HIBCH: variants seen among roughly 807,000 people sequenced by gnomAD.
HIBCH encodes the protein 3-hydroxyisobutyryl-CoA hydrolase, mitochondrial.
A neutral mutation model predicts 58.2 loss-of-function variants in HIBCH; 50 were observed. That is an observed-to-expected ratio of 0.86 (90% CI 0.68 to 1.09). HIBCH has a LOEUF of 1.09. Ranked by LOEUF, HIBCH falls within the 50% of genes least tolerant of loss-of-function variation. The probability of loss-of-function intolerance (pLI) is 0.00; values close to 1 mark genes in which losing one functional copy is unlikely to be tolerated. For synonymous variants in HIBCH, 151 were observed against 146.9 expected (o/e 1.03, Z -0.20); for missense variants, 450 against 449.7 (o/e 1.00, Z -0.01).
chr2:190,285,541 G>A (rs995865072), intron 6 of HIBCH, among the ~76,000 whole-genome samples: 7 of 152,098 alleles, frequency 4.6e-5, no homozygotes, highest in African/African-American at 1.7e-4. Context: ...AGCAATTCCC[G>A]GTCCTTATTT....
intron 2 of HIBCH, among the ~76,000 whole-genome samples, chr2:190,303,320 T>C (rs1575761763): frequency 6.6e-6 from 1 of 151,864 alleles, no homozygotes; most frequent in East Asian, 1.9e-4. Flanking sequence ...GATTTCCAAA[T>C]GCAATTCTCC....
At chr2:190,240,832 C>A (rs923101955) in intron 11 of HIBCH, among the ~76,000 whole-genome samples, 2 of 152,126 alleles carry the variant, frequency 1.3e-5, no homozygotes, top group African/African-American at 4.8e-5. Context: ...GATTGCACTG[C>A]GGTCTGAGAG....
intron 6 of HIBCH, among the ~76,000 whole-genome samples, chr2:190,286,645 T>C (rs559787155): frequency 3.8e-4 from 58 of 152,324 alleles, no homozygotes; most frequent in Admixed American, 7.2e-4. Context: ...AATTTACCAA[T>C]TGTTTTGTAA....
At chr2:190,225,414 G>A (rs920808623) in intron 11 of HIBCH, among the ~76,000 whole-genome samples, 12 of 151,974 alleles carry the variant, frequency 7.9e-5, no homozygotes, top group Admixed American at 5.9e-4. Flanking sequence ...TCAAATAGAC[G>A]CAATAAAAAA....
At chr2:190,238,063 G>C (rs1575714921) in intron 11 of HIBCH, among the ~76,000 whole-genome samples, 1 of 152,058 alleles carries the variant, frequency 6.6e-6, no homozygotes, top group South Asian at 2.1e-4. Context: ...TCTTTATCCA[G>C]TCTCTCATTG....
Position 190,270,006 on chromosome 2 carries a change from G to A in HIBCH, c.439-8772C>T, listed in dbSNP as rs113261908. On this transcript the variant is annotated intron_variant, in intron 6 of 13. Coordinates refer to ENST00000359678, the MANE Select transcript of HIBCH (RefSeq NM_014362.4). ...ACCAAATGTATGTTCTCATAAGTGG[G>A]AGCTGAACAATGAGAACACATGGAC... Among the ~76,000 whole-genome samples the A allele has an allele frequency of 5.6e-3, 858 of 152,170 alleles. 5 individuals carry two copies. The highest frequency in any genetic ancestry group is 0.02 in the African/African-American group (814 of 41,498).
chr2:190,276,176 G>C (rs1687545883), intron 6 of HIBCH, among the ~76,000 whole-genome samples: 1 of 152,188 alleles, frequency 6.6e-6, no homozygotes, highest in Non-Finnish European at 1.5e-5. Context: ...AAGGCAGGTT[G>C]CTGGTTGACT....
intron 1 of HIBCH, among the ~76,000 whole-genome samples, chr2:190,198,114 G>C (rs541123261): frequency 1.3e-5 from 2 of 152,154 alleles, no homozygotes; most frequent in Admixed American, 1.3e-4. Flanking sequence ...AGTATGCAGC[G>C]TGAAGCAGGG....
At chr2:190,267,941 C>T (rs1385005959) in intron 6 of HIBCH, among the ~76,000 whole-genome samples, 5 of 152,182 alleles carry the variant, frequency 3.3e-5, no homozygotes, top group African/African-American at 4.8e-5. Context: ...TCTGGGACTG[C>T]TAGTGCCCTT....
chr2:190,268,099 C>A (rs1687291853), intron 6 of HIBCH, among the ~76,000 whole-genome samples: 1 of 152,142 alleles, frequency 6.6e-6, no homozygotes. Context: ...ACTAAAGGCA[C>A]AATAGATACA....
chr2:190,252,045 G>T, intron 8 of HIBCH, 117 bp downstream of exon 8: 3 of 928,398 alleles, frequency 3.2e-6, no homozygotes, highest in Non-Finnish European at 5.2e-6. Flanking sequence ...ATAGGTCCAG[G>T]ATTCACACCA....
chr2:190,300,453 T>A (rs1249193505), intron 2 of HIBCH, among the ~76,000 whole-genome samples: 1 of 152,128 alleles, frequency 6.6e-6, no homozygotes, highest in East Asian at 1.9e-4. Context: ...TGTGGTTGGC[T>A]GCATGTCTAT....
At chr2:190,299,160 C>T (rs933619866) in intron 2 of HIBCH, among the ~76,000 whole-genome samples, 1 of 152,138 alleles carries the variant, frequency 6.6e-6, no homozygotes, top group East Asian at 1.9e-4. Context: ...CTGGAGAATG[C>T]CAATTAAAAC....
At chr2:190,224,354 G>A (rs986456008) in intron 11 of HIBCH, among the ~76,000 whole-genome samples, 1 of 152,164 alleles carries the variant, frequency 6.6e-6, no homozygotes, top group African/African-American at 2.4e-5. Flanking sequence ...TGGATAAAGA[G>A]TCAAGACTCA....
intron 11 of HIBCH, among the ~76,000 whole-genome samples, chr2:190,221,126 T>G (rs1403180261): frequency 6.6e-6 from 1 of 152,200 alleles, no homozygotes; most frequent in Non-Finnish European, 1.5e-5. Context: ...GGAAGAAAAC[T>G]TTATTTAAAA....
chr2:190,313,418 C>A (rs1374592004), intron 1 of HIBCH, among the ~76,000 whole-genome samples: 1 of 152,126 alleles, frequency 6.6e-6, no homozygotes, highest in Non-Finnish European at 1.5e-5. Flanking sequence ...ATAAATATGT[C>A]TGCTTTTCCT....
At chr2:190,246,008 A>AT in intron 10 of HIBCH, 146 bp downstream of exon 10, 2 of 531,204 alleles carry the variant, frequency 3.8e-6, no homozygotes, top group Non-Finnish European at 6.7e-6. Flanking sequence ...AAAAAAAAAA[A>AT]GGAAGGAAAG....
chr2:190,225,928 A>C (rs569288979), intron 11 of HIBCH, among the ~76,000 whole-genome samples: 125 of 152,332 alleles, frequency 8.2e-4, no homozygotes, highest in Non-Finnish European at 1.4e-3. Flanking sequence ...CACCATGATC[A>C]AGTTGGCTTC....
chr2:190,211,930 G>A lies in HIBCH; in HGVS notation c.1011+1026C>T, dbSNP rs72627903. On this transcript the variant is annotated intron_variant, in intron 12 of 13. Coordinates refer to ENST00000359678, the MANE Select transcript of HIBCH (RefSeq NM_014362.4). The surrounding 1 kb of genome is among the most constrained non-coding windows in gnomAD (Gnocchi z 5.0). ...GCACTAAAAGTGTAATGAAAAACAT[G>A]GAATGTGTGAGGTATACAGGAGAGT... Among the ~76,000 whole-genome samples, 31,016 of 152,158 alleles carry A rather than the reference G, an allele frequency of 0.2. 3,409 individuals carry two copies. The highest frequency in any genetic ancestry group is 0.32 in the East Asian group (1,640 of 5,176).
Sources: gnomAD v4.1 joint callset for allele counts (sites outside exome capture counted in the v4.1 genomes callset) on GRCh38, gnomAD v4.1.1 for gene constraint, Gnocchi (gnomAD v3.1) non-coding constraint, MANE v1.5 for transcripts, NCBI Gene and HGNC (gene_info 2026-07-23, HGNC 2026-07-21) for gene names.